Variants in L3MBTL3 observed in about 807,000 individuals in gnomAD.
L3MBTL3 encodes the protein lethal(3)malignant brain tumor-like protein 3.
L3MBTL3 carries 27 observed loss-of-function variants against 102.3 expected under a neutral mutation model. That is an observed-to-expected ratio of 0.26 (90% confidence interval 0.19 to 0.36). The LOEUF (loss-of-function observed/expected upper bound fraction) is 0.36. Ranked by LOEUF, L3MBTL3 falls within the 10% of genes least tolerant of loss-of-function variation. The probability of loss-of-function intolerance (pLI) is 1.00; values close to 1 mark genes in which losing one functional copy is unlikely to be tolerated. For synonymous variants in L3MBTL3, 340 were observed against 320.9 expected, an observed-to-expected ratio of 1.06 and a Z score of -0.64; for missense variants, 798 against 955.3, an observed-to-expected ratio of 0.84 and a Z score of 2.17.
intron 17 of L3MBTL3, 92 bp downstream of exon 17, chr6:130,092,951 C>T: frequency 1.4e-6 from 1 of 738,024 alleles, no homozygotes; most frequent in South Asian, 1.7e-5. Context: ...TTCTCCTCCT[C>T]TCTCTACTGA....
intron 13 of L3MBTL3, among the ~76,000 whole-genome samples, chr6:130,077,320 C>A (rs1783016589): frequency 6.6e-6 from 1 of 151,962 alleles, no homozygotes; most frequent in Non-Finnish European, 1.5e-5. Context: ...TATTAAAATA[C>A]CTTTTATGAA....
At chr6:130,125,267 G>C (rs918828322) in intron 20 of L3MBTL3, among the ~76,000 whole-genome samples, 1 of 152,162 alleles carries the variant, frequency 6.6e-6, no homozygotes, top group Non-Finnish European at 1.5e-5. Context: ...TCGTTCTGTC[G>C]AGTGTGCTAT....
intron 20 of L3MBTL3, among the ~76,000 whole-genome samples, chr6:130,126,697 A>G (rs1478063131): frequency 6.6e-6 from 1 of 152,182 alleles, no homozygotes; most frequent in African/African-American, 2.4e-5. Context: ...GCAGATTTCT[A>G]CTTTGGATAA....
At chr6:130,073,316 C>T (rs762446401) in intron 13 of L3MBTL3, among the ~76,000 whole-genome samples, 11 of 152,238 alleles carry the variant, frequency 7.2e-5, no homozygotes, top group East Asian at 1.9e-4. Context: ...AAAACTTTAA[C>T]TTTGGAAACA....
At chr6:130,065,524 T>C (rs1343772892) in intron 10 of L3MBTL3, among the ~76,000 whole-genome samples, 5 of 152,202 alleles carry the variant, frequency 3.3e-5, no homozygotes, top group Non-Finnish European at 7.3e-5. Flanking sequence ...ACCTCACTAT[T>C]TGAGGATTAA....
intron 19 of L3MBTL3, among the ~76,000 whole-genome samples, chr6:130,116,062 A>G (rs949113741): frequency 2.6e-5 from 4 of 152,202 alleles, no homozygotes; most frequent in African/African-American, 9.6e-5. Flanking sequence ...TATAACCCAG[A>G]CAGTCTGACT....
chr6:130,018,709 T>C (rs1032229853), intron 1 of L3MBTL3, 45 bp downstream of exon 1: 1 of 152,274 alleles, frequency 6.6e-6, no homozygotes, highest in Non-Finnish European at 1.5e-5. Flanking sequence ...AATCTGAAGA[T>C]TTGTCCGTGC....
intron 19 of L3MBTL3, among the ~76,000 whole-genome samples, chr6:130,112,964 C>T (rs1314832950): frequency 6.6e-6 from 1 of 152,184 alleles, no homozygotes; most frequent in Non-Finnish European, 1.5e-5. Context: ...TGGACAGTGG[C>T]AGCTCATCTC....
chr6:130,107,078 A>G (rs1036223336), intron 19 of L3MBTL3, among the ~76,000 whole-genome samples: 8 of 152,190 alleles, frequency 5.3e-5, no homozygotes, highest in African/African-American at 1.9e-4. Context: ...ATCAGCCAGG[A>G]GTGAGAAGCA....
At chr6:130,043,042 C>A (rs1196038416) in intron 3 of L3MBTL3, among the ~76,000 whole-genome samples, 1 of 152,122 alleles carries the variant, frequency 6.6e-6, no homozygotes, top group African/African-American at 2.4e-5. Context: ...GCTTATTTCG[C>A]AGAAATTGAT....
intron 19 of L3MBTL3, 149 bp downstream of exon 19, chr6:130,104,724 A>G: frequency 2.0e-6 from 1 of 510,208 alleles, no homozygotes; most frequent in Non-Finnish European, 3.1e-6. Context: ...GGTAGAGATC[A>G]GTACTTGAAC....
chr6:130,104,686 A>G, intron 19 of L3MBTL3, 111 bp downstream of exon 19: 1 of 736,682 alleles, frequency 1.4e-6, no homozygotes, highest in East Asian at 3.3e-5. Flanking sequence ...AGATTGTTGA[A>G]AATACACCTG....
chr6:130,098,895 T>G (rs1487415601), intron 18 of L3MBTL3, among the ~76,000 whole-genome samples: 1 of 150,572 alleles, frequency 6.6e-6, no homozygotes, highest in Non-Finnish European at 1.5e-5. Flanking sequence ...AACTGTTTTT[T>G]GTCAGGACAG....
intron 7 of L3MBTL3, among the ~76,000 whole-genome samples, chr6:130,053,450 C>G (rs950828941): frequency 6.6e-6 from 1 of 151,864 alleles, no homozygotes; most frequent in East Asian, 1.9e-4. Context: ...CCTGGCTAAC[C>G]CGGTGAAACC....
At chr6:130,034,388 C>A (rs763136033) in intron 2 of L3MBTL3, among the ~76,000 whole-genome samples, 7 of 152,214 alleles carry the variant, frequency 4.6e-5, no homozygotes, top group Non-Finnish European at 1.0e-4. Flanking sequence ...AGACCCCTAT[C>A]TACTTATCTC....
At chr6:130,095,866 C>T (rs749947087) in intron 18 of L3MBTL3, among the ~76,000 whole-genome samples, 8 of 152,108 alleles carry the variant, frequency 5.3e-5, no homozygotes, top group Non-Finnish European at 8.8e-5. Flanking sequence ...GTCATTAATC[C>T]ATCCAGGAGG....
chr6:130,118,148 C>A (rs1318738687), intron 19 of L3MBTL3, among the ~76,000 whole-genome samples: 1 of 152,064 alleles, frequency 6.6e-6, no homozygotes, highest in Admixed American at 6.6e-5. Flanking sequence ...CTTCATATAT[C>A]ATACTTTATT....
intron 20 of L3MBTL3, among the ~76,000 whole-genome samples, chr6:130,123,300 A>G (rs1472916990): frequency 6.6e-6 from 1 of 152,002 alleles, no homozygotes. Context: ...TATTCCTTTC[A>G]AGGAACCATT....
chr6:130,036,558 C>T (rs1780077009), intron 2 of L3MBTL3, among the ~76,000 whole-genome samples: 1 of 152,200 alleles, frequency 6.6e-6, no homozygotes, highest in African/African-American at 2.4e-5. Flanking sequence ...ACATTTACTG[C>T]AGGTTATATA....
Sources: gnomAD v4.1 joint callset for allele counts (sites outside exome capture counted in the v4.1 genomes callset) on GRCh38, gnomAD v4.1.1 for gene constraint, MANE v1.5 for transcripts, NCBI Gene and HGNC (gene_info 2026-07-23, HGNC 2026-07-21) for gene names.